CDH1: variants seen among roughly 807,000 people sequenced by gnomAD.
The protein encoded by CDH1 is cadherin 1.
In CDH1, 35 loss-of-function variants were observed where a neutral mutation model predicts 84.5. The observed-to-expected ratio is 0.41, with a 90% confidence interval of 0.32 to 0.55. The LOEUF (loss-of-function observed/expected upper bound fraction) is 0.55. Among genes scored for constraint, CDH1 ranks in the 20% least tolerant of loss-of-function variants. The pLI, the probability that CDH1 is intolerant of heterozygous loss-of-function variation, is 0.19. For missense variants in CDH1, 994 were observed against 1,126.6 expected (o/e 0.88, Z 1.68); for synonymous variants, 417 against 439.0 (o/e 0.95, Z 0.63).
rs1961559604 is a variant in CDH1, at chr16:68,833,735, C to T, written c.*236C>T. 2 of 536,974 alleles carry T rather than the reference C, an allele frequency of 3.7e-6. No homozygotes were observed. The highest frequency in any genetic ancestry group is 6.7e-6 in the Non-Finnish European group (2 of 300,426). The allele number at this position is 536,974 out of a possible 1,614,324, so 33.3% of individuals were successfully genotyped here. ...TTTTTTTTTTTCCCATCACTCTTTA[C>T]ATGGTGGTGATGTCCAAAAGATACC... On this transcript the variant is annotated 3_prime_UTR_variant, in exon 16 of 16. Coordinates refer to ENST00000261769, the MANE Select transcript of CDH1 (RefSeq NM_004360.5).
chr16:68,786,520 C>CTTTT (rs1323536677), intron 2 of CDH1, among the ~76,000 whole-genome samples: 4 of 77,522 alleles, frequency 5.2e-5, no homozygotes, highest in Non-Finnish European at 1.1e-4. Flanking sequence ...TTTCTGCTTT[C>CTTTT]TTTTTTTTTT....
At chr16:68,771,477 G>T (rs1959570528) in intron 2 of CDH1, among the ~76,000 whole-genome samples, 2 of 152,074 alleles carry the variant, frequency 1.3e-5, no homozygotes, top group Non-Finnish European at 2.9e-5. Flanking sequence ...TTTGTAGCCG[G>T]GCGCGGTGGC....
intron 13 of CDH1, chr16:68,826,414 T>C (rs982720214): frequency 2.0e-5 from 3 of 152,226 alleles, no homozygotes; most frequent in African/African-American, 7.2e-5. Flanking sequence ...CCCAAAGTGC[T>C]GGGATTACAG....
intron 2 of CDH1, among the ~76,000 whole-genome samples, chr16:68,792,160 A>AG (rs1248044779): frequency 6.7e-6 from 1 of 149,342 alleles, no homozygotes; most frequent in Non-Finnish European, 1.5e-5. Context: ...ACCTCAGGTG[A>AG]TCCATCTGCC....
At chr16:68,786,986 G>T (rs972381407) in intron 2 of CDH1, among the ~76,000 whole-genome samples, 2 of 152,146 alleles carry the variant, frequency 1.3e-5, no homozygotes, top group African/African-American at 4.8e-5. Flanking sequence ...TTTGTAGAAG[G>T]TTTCCAGATC....
chr16:68,829,574 T>C (rs1243185080), intron 14 of CDH1, 80 bp from the exon 15 acceptor site: 16 of 1,381,988 alleles, frequency 1.2e-5, no homozygotes, highest in Non-Finnish European at 1.5e-5. Context: ...CCAACCATAA[T>C]CTATAAACTG....
intron 15 of CDH1, among the ~76,000 whole-genome samples, chr16:68,832,610 A>C (rs2152143509): frequency 6.6e-6 from 1 of 152,306 alleles, no homozygotes; most frequent in South Asian, 2.1e-4. Flanking sequence ...ACCTGAGATC[A>C]GGAGTTAGAG....
chr16:68,764,764 C>G (rs1321463501), intron 2 of CDH1, among the ~76,000 whole-genome samples: 1 of 152,136 alleles, frequency 6.6e-6, no homozygotes, highest in African/African-American at 2.4e-5. Flanking sequence ...GAGAGGAGAC[C>G]TTAGGTGGCC....
chr16:68,828,083 C>A (rs2152141267), intron 13 of CDH1, 91 bp from the exon 14 acceptor site: 1 of 1,456,402 alleles, frequency 6.9e-7, no homozygotes, highest in Non-Finnish European at 9.6e-7. Flanking sequence ...TGCCCCCTGT[C>A]TGGTATGAGG....
At chr16:68,738,186 CCTCCCCCAA>C in intron 1 of CDH1, 102 bp from the exon 2 acceptor site, 1 of 716,668 alleles carries the variant, frequency 1.4e-6, no homozygotes, top group South Asian at 1.8e-5. Context: ...GGGCTGGGGT[CCTCCCCCAA>C]TCCCGACGCC....
chr16:68,772,818 C>T (rs937218306), intron 2 of CDH1, among the ~76,000 whole-genome samples: 2 of 151,844 alleles, frequency 1.3e-5, no homozygotes, highest in African/African-American at 2.4e-5. Flanking sequence ...TCCCAGCTAC[C>T]CAGAAGGCTG....
intron 10 of CDH1, 98 bp from the exon 11 acceptor site, chr16:68,819,181 GT>G: frequency 7.3e-7 from 1 of 1,376,720 alleles, no homozygotes; most frequent in Admixed American, 1.7e-5. Context: ...AAATAAAAAC[GT>G]TGGAAGTAAC....
intron 2 of CDH1, among the ~76,000 whole-genome samples, chr16:68,753,034 C>T (rs8050642): frequency 6.6e-5 from 10 of 151,864 alleles, no homozygotes; most frequent in Admixed American, 3.3e-4. Flanking sequence ...TGATGAGAGA[C>T]GCAAAAAGCT....
intron 2 of CDH1, among the ~76,000 whole-genome samples, chr16:68,784,770 G>A (rs1030631565): frequency 1.3e-5 from 2 of 151,096 alleles, no homozygotes; most frequent in Non-Finnish European, 2.9e-5. Flanking sequence ...CCATTCCTGA[G>A]TTACTTCACT....
intron 6 of CDH1, among the ~76,000 whole-genome samples, chr16:68,810,934 G>A (rs1567506131): frequency 6.6e-6 from 1 of 151,626 alleles, no homozygotes; most frequent in South Asian, 2.1e-4. Context: ...TCAAACTCCC[G>A]GGCCCAAGCA....
In CDH1 at chr16:68,832,735, G is replaced by A. The variant is rs139059578; in HGVS notation, c.2440-555G>A. 8.2e-3 allele frequency among the ~76,000 whole-genome samples: 1,251 copies of A among 152,050 alleles called. 11 individuals are homozygous for A. Among genetic ancestry groups the A allele is most frequent in the Non-Finnish European group, 0.014 (953 of 67,992 alleles). Reference sequence around the variant, plus strand: ...CTTGGGAGGCTGAGGCAGGAGAATCGCTTGAACCTGGGAGGCAGATGTTGC... The same window carrying A: ...CTTGGGAGGCTGAGGCAGGAGAATCACTTGAACCTGGGAGGCAGATGTTGC... On this transcript the variant is annotated intron_variant, in intron 15 of 15. Transcript: ENST00000261769.
At chr16:68,759,533 G>A (rs1163747111) in intron 2 of CDH1, among the ~76,000 whole-genome samples, 3 of 144,152 alleles carry the variant, frequency 2.1e-5, no homozygotes, top group South Asian at 2.2e-4. Flanking sequence ...TCTGTTGCCT[G>A]GGCTGGAGTG....
chr16:68,786,254 CT>C (rs1417609505), intron 2 of CDH1, among the ~76,000 whole-genome samples: 2 of 152,260 alleles, frequency 1.3e-5, no homozygotes, highest in Non-Finnish European at 1.5e-5. Flanking sequence ...TCACTGCAAC[CT>C]CTTCATCCTG....
At position 68,811,367 on chromosome 16, in the gene CDH1, G is replaced by A. The variant is rs113655152; in HGVS notation, c.833-317G>A. Among the ~76,000 whole-genome samples, 442 of 133,684 alleles carry A rather than the reference G, an allele frequency of 3.3e-3. 5 individuals are homozygous for A. The highest frequency in any genetic ancestry group is 0.012 in the African/African-American group (426 of 34,310). 87.7% of individuals were successfully genotyped at this position (133,684 alleles called of 152,430 possible). A position where few individuals can be genotyped will look rare whatever the true frequency, so the allele number is the denominator to read the frequency against. ...AGCCGAATCACGCCATTGCATTCCA[G>A]CCTGGGCAACAGGAGCAAAACTCCG... is the stretch of plus-strand genomic sequence containing the variant. On this transcript the variant is annotated intron_variant, in intron 6 of 15. Transcript: ENST00000261769.
Sources: gnomAD v4.1 joint callset for allele counts (sites outside exome capture counted in the v4.1 genomes callset) on GRCh38, gnomAD v4.1.1 for gene constraint, MANE v1.5 for transcripts, NCBI Gene and HGNC (gene_info 2026-07-23, HGNC 2026-07-21) for gene names.